CTNNA2: variants seen among roughly 807,000 people sequenced by gnomAD.
CTNNA2 encodes the protein catenin alpha 2.
Under a neutral mutation model 101.0 loss-of-function variants are expected in CTNNA2, and 42 were observed. That is an observed-to-expected ratio of 0.42 (90% CI 0.32 to 0.54). The LOEUF (loss-of-function observed/expected upper bound fraction) is 0.54. CTNNA2 is among the 20% of genes least tolerant of loss of function. The pLI, the probability that CTNNA2 is intolerant of heterozygous loss-of-function variation, is 0.14. For missense variants in CTNNA2, 871 were observed against 1,223.1 expected, an observed-to-expected ratio of 0.71 and a Z score of 4.29; for synonymous variants, 450 against 456.4, an observed-to-expected ratio of 0.99 and a Z score of 0.18.
intron 3 of CTNNA2, among the ~76,000 whole-genome samples, chr2:79,753,633 C>A (rs923492285): frequency 5.9e-5 from 9 of 152,046 alleles, no homozygotes; most frequent in Non-Finnish European, 1.0e-4. Flanking sequence ...ATTTGGCCAG[C>A]GTGTAGATGA....
chr2:79,216,849 C>T (rs1420913551), intron 2 of CTNNA2, among the ~76,000 whole-genome samples: 4 of 152,172 alleles, frequency 2.6e-5, no homozygotes, highest in African/African-American at 7.2e-5. Context: ...AACTGCAGTA[C>T]TTGCCACTAA....
intron 9 of CTNNA2, among the ~76,000 whole-genome samples, chr2:80,501,689 A>G (rs1687894218): frequency 6.6e-6 from 1 of 152,156 alleles, no homozygotes; most frequent in Non-Finnish European, 1.5e-5. Context: ...AGGAACCCCT[A>G]AGGGAGTGGG....
chr2:80,642,966 A>C (rs1175740662), intron 18 of CTNNA2, among the ~76,000 whole-genome samples: 1 of 152,146 alleles, frequency 6.6e-6, no homozygotes, highest in African/African-American at 2.4e-5. Context: ...GCAGGGGAAA[A>C]AAAGACAATG....
intron 9 of CTNNA2, among the ~76,000 whole-genome samples, chr2:80,537,095 C>A (rs1024922950): frequency 1.6e-4 from 25 of 151,972 alleles, no homozygotes; most frequent in African/African-American, 6.0e-4. Context: ...CCCTGACAGG[C>A]CCCAGTGTGT....
chr2:80,522,003 C>T (rs189937857), intron 9 of CTNNA2, among the ~76,000 whole-genome samples: 3 of 152,260 alleles, frequency 2.0e-5, no homozygotes, highest in Admixed American at 6.5e-5. Context: ...GAATATACAG[C>T]CCCAAGTGGT....
chr2:79,864,535 T>G (rs997880220), intron 4 of CTNNA2, among the ~76,000 whole-genome samples: 1 of 152,104 alleles, frequency 6.6e-6, no homozygotes, highest in Admixed American at 6.5e-5. Flanking sequence ...TTGGTAGCAG[T>G]GTGGAGAAGG....
intron 9 of CTNNA2, among the ~76,000 whole-genome samples, chr2:80,430,018 T>G (rs1272129434): frequency 2.0e-5 from 3 of 152,226 alleles, no homozygotes; most frequent in Non-Finnish European, 4.4e-5. Flanking sequence ...ATCAATTTTT[T>G]TCATATGTAA....
At chr2:79,703,912 T>G (rs1489475325) in intron 2 of CTNNA2, among the ~76,000 whole-genome samples, 3 of 150,464 alleles carry the variant, frequency 2.0e-5, no homozygotes, top group Non-Finnish European at 4.4e-5. Context: ...CATATAAATT[T>G]ATATTTGAAT....
intron 1 of CTNNA2, among the ~76,000 whole-genome samples, chr2:79,558,275 A>G (rs910747346): frequency 5.3e-5 from 8 of 152,086 alleles, no homozygotes; most frequent in Admixed American, 4.6e-4. Context: ...AAATGACTGC[A>G]TATCTCATTA....
chr2:80,102,376 C>G (rs746331382), intron 7 of CTNNA2, among the ~76,000 whole-genome samples: 1 of 152,208 alleles, frequency 6.6e-6, no homozygotes, highest in Non-Finnish European at 1.5e-5. Flanking sequence ...ATATTGCTCT[C>G]CAGGACAATC....
chr2:79,478,915 TTCA>T (rs1475296428), intron 4 of CTNNA2, among the ~76,000 whole-genome samples: 3 of 152,280 alleles, frequency 2.0e-5, no homozygotes, highest in East Asian at 3.9e-4. Flanking sequence ...CTTTACTACC[TTCA>T]TTTCCACCAC....
At chr2:80,324,807 G>A (rs919457793) in intron 7 of CTNNA2, among the ~76,000 whole-genome samples, 2 of 151,950 alleles carry the variant, frequency 1.3e-5, no homozygotes, top group African/African-American at 4.8e-5. Context: ...TCCCCCATGC[G>A]GGATCTGTTT....
At chr2:80,252,987 G>A (rs1208218964) in intron 7 of CTNNA2, among the ~76,000 whole-genome samples, 2 of 152,126 alleles carry the variant, frequency 1.3e-5, no homozygotes, top group African/African-American at 2.4e-5. Flanking sequence ...GTAAGGCCAG[G>A]AAGCAGTAGT....
rs1253734141 is a variant in CTNNA2 at position 79,243,011 on chromosome 2, C to CAT, written c.-406+44936_-406+44937insTA. ...ATATATATACACACACACACACACACACACACACACACACACACGTTAATA... is the reference window on the plus strand; with the variant it reads ...ATATATATACACACACACACACACACATACACACACACACACACACGTTAATA... On this transcript the variant is annotated intron_variant, in intron 2 of 21. Coordinates refer to the CTNNA2 transcript ENST00000466387. Among the ~76,000 whole-genome samples the CAT allele has an allele frequency of 7.3e-3, 1,039 of 142,990 alleles. 10 individuals are homozygous for CAT. Among genetic ancestry groups the CAT allele is most frequent in the African/African-American group, 0.025 (980 of 38,966 alleles). 93.8% of individuals were successfully genotyped at this position (142,990 alleles called of 152,430 possible).
At chr2:79,351,498 G>T (rs1677386221) in intron 3 of CTNNA2, among the ~76,000 whole-genome samples, 1 of 152,092 alleles carries the variant, frequency 6.6e-6, no homozygotes, top group Non-Finnish European at 1.5e-5. Flanking sequence ...TATATTACAT[G>T]ATGCTGAGAT....
intron 4 of CTNNA2, among the ~76,000 whole-genome samples, chr2:79,443,267 G>C (rs879867477): frequency 1.3e-5 from 2 of 152,126 alleles, no homozygotes; most frequent in Admixed American, 1.3e-4. Context: ...AAAAGCCTGA[G>C]AACCATGGGA....
At position 79,807,014 on chromosome 2, in the gene CTNNA2, A is replaced by T. The variant is rs151064541; in HGVS notation, c.299-50999A>T. On this transcript the variant is annotated intron_variant, in intron 3 of 18. Transcript: ENST00000402739. ...CCTGTTTCTCTTTATTCCCAAATGG[A>T]CTCAGTGTAGCTTACCTTTGACTTC... is the stretch of plus-strand genomic sequence containing the variant. Among the ~76,000 whole-genome samples the T allele has an allele frequency of 3.5e-4, 53 of 151,846 alleles. 1 individual carries two copies. In the East Asian group the frequency reaches 0.01, roughly 30 times the overall value.
intron 15 of CTNNA2, chr2:80,601,969 A>G (rs531210767): frequency 6.6e-6 from 1 of 152,186 alleles, no homozygotes; most frequent in South Asian, 2.1e-4. Context: ...ATGATTCAGG[A>G]CACACAGACT....
chr2:80,257,086 G>A (rs1237417397), intron 7 of CTNNA2, among the ~76,000 whole-genome samples: 8 of 152,128 alleles, frequency 5.3e-5, no homozygotes, highest in Non-Finnish European at 1.2e-4. Flanking sequence ...ACTCTGGAAA[G>A]TTCTGAGGAT....
Sources: allele counts gnomAD v4.1 joint callset (sites outside exome capture counted in the v4.1 genomes callset), GRCh38; gene constraint gnomAD v4.1.1; transcripts MANE v1.5; gene names NCBI Gene and HGNC (gene_info 2026-07-23, HGNC 2026-07-21).